The following RALYL variants were observed in gnomAD, a reference collection of about 807,000 sequenced individuals.
RALYL encodes RALY RNA binding protein like, also known as RNA-binding Raly-like protein.
In RALYL, 29 loss-of-function variants were observed where a neutral mutation model predicts 35.1. The observed-to-expected ratio is 0.83, with a 90% confidence interval of 0.61 to 1.13. The LOEUF is 1.13. RALYL is among the 50% of genes most tolerant of loss of function. RALYL has a pLI of 0.00. For synonymous variants in RALYL, 120 were observed against 127.6 expected, an observed-to-expected ratio of 0.94 and a Z score of 0.40; for missense variants, 359 against 360.4, an observed-to-expected ratio of 1.00 and a Z score of 0.03.
At chr8:84,218,006 A>G (rs1821243684) in intron 1 of RALYL, among the ~76,000 whole-genome samples, 1 of 151,994 alleles carries the variant, frequency 6.6e-6, no homozygotes, top group African/African-American at 2.4e-5. Context: ...TTTTCTTAGC[A>G]TTTTCAAGTG....
At chr8:84,677,113 T>A (rs1367528218) in intron 2 of RALYL, among the ~76,000 whole-genome samples, 1 of 152,166 alleles carries the variant, frequency 6.6e-6, no homozygotes, top group Admixed American at 6.5e-5. Context: ...ACTCTTGTAC[T>A]TTAAAGGAAG....
intron 1 of RALYL, among the ~76,000 whole-genome samples, chr8:84,199,521 T>G (rs1816308134): frequency 6.6e-6 from 1 of 152,330 alleles, no homozygotes; most frequent in Non-Finnish European, 1.5e-5. Context: ...TTGTCCATTT[T>G]TGCTTTAATT....
At chr8:84,784,231 C>T (rs1007209964) in intron 3 of RALYL, among the ~76,000 whole-genome samples, 7 of 152,022 alleles carry the variant, frequency 4.6e-5, no homozygotes, top group Non-Finnish European at 7.4e-5. Flanking sequence ...GCAGACGGAC[C>T]GTGTAACTTC....
Position 84,395,876 on chromosome 8 carries a change from A to G in RALYL, c.-23-133423A>G, listed in dbSNP as rs13280714. Among the ~76,000 whole-genome samples, 624 of 152,110 alleles carry G rather than the reference A, an allele frequency of 4.1e-3. 2 individuals are homozygous for G. The highest frequency in any genetic ancestry group is 6.7e-3 in the Non-Finnish European group (454 of 67,844). ...CTTTCCTAGGGATGTAAATTTCACT[A>G]TTATAATCTTTATTTATAAGTCACT... On this transcript the variant is annotated intron_variant, in intron 1 of 8. Coordinates refer to ENST00000521268, the MANE Select transcript of RALYL (RefSeq NM_173848.7).
At chr8:84,384,989 C>T (rs1858870236) in intron 1 of RALYL, among the ~76,000 whole-genome samples, 1 of 151,646 alleles carries the variant, frequency 6.6e-6, no homozygotes, top group South Asian at 2.1e-4. Flanking sequence ...ATAATAATGG[C>T]AATAAGATAA....
chr8:84,729,606 G>A (rs991753588), intron 2 of RALYL, among the ~76,000 whole-genome samples: 6 of 152,038 alleles, frequency 3.9e-5, no homozygotes, highest in Non-Finnish European at 2.9e-5. Context: ...CTGGTTTTTT[G>A]AAAGGATCAA....
At chr8:84,704,635 C>T (rs978224549) in intron 2 of RALYL, among the ~76,000 whole-genome samples, 1 of 152,120 alleles carries the variant, frequency 6.6e-6, no homozygotes. Context: ...GTGGAATGTA[C>T]AGTAATGCAG....
At chr8:84,256,596 A>G (rs1251939751) in intron 1 of RALYL, among the ~76,000 whole-genome samples, 1 of 152,124 alleles carries the variant, frequency 6.6e-6, no homozygotes, top group Non-Finnish European at 1.5e-5. Context: ...GAGCAAGTGA[A>G]CTGGACTTAG....
chr8:84,729,110 T>G (rs1845601010), intron 2 of RALYL, among the ~76,000 whole-genome samples: 1 of 152,216 alleles, frequency 6.6e-6, no homozygotes. Flanking sequence ...CCCATGAGCA[T>G]GGAATGTTCT....
chr8:84,361,018 AGT>A (rs149152491), intron 1 of RALYL, among the ~76,000 whole-genome samples: 7,852 of 151,704 alleles, frequency 0.052, 270 homozygotes, highest in African/African-American at 0.091. Context: ...TTTAAGAATC[AGT>A]GTTTCTTGAG....
At chr8:84,898,369 C>T (rs1055685245) in intron 8 of RALYL, among the ~76,000 whole-genome samples, 5 of 152,090 alleles carry the variant, frequency 3.3e-5, no homozygotes, top group Non-Finnish European at 5.9e-5. Flanking sequence ...GTGCATCTTT[C>T]ATAAACACCA....
intron 1 of RALYL, among the ~76,000 whole-genome samples, chr8:84,412,256 G>A (rs897494093): frequency 1.3e-5 from 2 of 151,836 alleles, no homozygotes; most frequent in African/African-American, 2.4e-5. Flanking sequence ...TTATCAGAGG[G>A]GATGTTATCA....
At chr8:84,207,800 G>C (rs1405894422) in intron 1 of RALYL, among the ~76,000 whole-genome samples, 1 of 135,806 alleles carries the variant, frequency 7.4e-6, no homozygotes, top group East Asian at 2.0e-4. Flanking sequence ...ATTTCATAAT[G>C]TGTGTGTGTG....
intron 1 of RALYL, among the ~76,000 whole-genome samples, chr8:84,490,952 C>T (rs2055222335): frequency 6.6e-6 from 1 of 151,504 alleles, no homozygotes. Flanking sequence ...GGAAGGATTC[C>T]ATTTATTTTT....
chr8:84,857,926 C>T (rs148076362), intron 5 of RALYL, among the ~76,000 whole-genome samples: 41 of 151,944 alleles, frequency 2.7e-4, no homozygotes, highest in African/African-American at 8.7e-4. Context: ...TTAAAAAAGA[C>T]ACTTAAAATA....
chr8:84,304,430 CTAATA>C lies in RALYL; in HGVS notation c.-24+120013_-24+120017del, dbSNP rs376216100. Among the ~76,000 whole-genome samples the C allele has an allele frequency of 6.5e-4, 99 of 152,280 alleles. No individual in the cohort carries two copies. In the South Asian group the frequency reaches 0.016, roughly 25 times the overall value. On this transcript the variant is annotated intron_variant, in intron 1 of 8. Transcript: ENST00000521268. Reference sequence around the variant, plus strand: ...TTTTGTGTTTCTGTTCAAATACTAACTAATATAATATGGGATATTAGTGAAGTCCT... The same window carrying C: ...TTTTGTGTTTCTGTTCAAATACTAACTAATATGGGATATTAGTGAAGTCCT...
intron 2 of RALYL, among the ~76,000 whole-genome samples, chr8:84,601,105 A>AATGTC (rs1815836486): frequency 6.6e-6 from 1 of 152,166 alleles, no homozygotes; most frequent in East Asian, 1.9e-4. Flanking sequence ...GAATAAAATA[A>AATGTC]ATGTCATTTA....
chr8:84,324,084 T>C (rs1845364975), intron 1 of RALYL, among the ~76,000 whole-genome samples: 2 of 152,066 alleles, frequency 1.3e-5, no homozygotes, highest in African/African-American at 4.8e-5. Flanking sequence ...TTTGTGATAG[T>C]GTGTGGGCTG....
intron 1 of RALYL, among the ~76,000 whole-genome samples, chr8:84,495,977 T>G (rs1317984203): frequency 1.3e-5 from 2 of 152,122 alleles, no homozygotes; most frequent in African/African-American, 4.8e-5. Flanking sequence ...TCTCTGAATT[T>G]TGTCTTTTAT....
Sources: gnomAD v4.1 joint callset for allele counts (sites outside exome capture counted in the v4.1 genomes callset) on GRCh38, gnomAD v4.1.1 for gene constraint, MANE v1.5 for transcripts, NCBI Gene and HGNC (gene_info 2026-07-23, HGNC 2026-07-21) for gene names.